Variants in KHDRBS2 observed in about 807,000 individuals in gnomAD.
KHDRBS2 encodes the protein KH domain-containing, RNA-binding, signal transduction-associated protein 2.
A neutral mutation model predicts 44.3 loss-of-function variants in KHDRBS2; 26 were observed. That is an observed-to-expected ratio of 0.59 (90% CI 0.43 to 0.81). KHDRBS2 has a LOEUF of 0.81. Among genes scored for constraint, KHDRBS2 ranks in the 40% least tolerant of loss-of-function variants. KHDRBS2 has a pLI of 0.00. For synonymous variants in KHDRBS2, 194 were observed against 151.1 expected (o/e 1.28, Z -2.08); for missense variants, 476 against 433.1 (o/e 1.10, Z -0.88).
chr6:61,804,693 C>A (rs891020109), intron 6 of KHDRBS2, among the ~76,000 whole-genome samples: 4 of 152,222 alleles, frequency 2.6e-5, no homozygotes, highest in African/African-American at 9.6e-5. Flanking sequence ...CACATGTAAG[C>A]TTCCAAAGCT....
the KHDRBS2 span, among the ~76,000 whole-genome samples, chr6:61,549,266 G>T: frequency 1.3e-5 from 2 of 152,124 alleles, no homozygotes; most frequent in Non-Finnish European, 2.9e-5. Flanking sequence ...GTGGTATAAT[G>T]TTAAACAATG....
chr6:61,698,851 A>T (rs1177759413), intron 7 of KHDRBS2, among the ~76,000 whole-genome samples: 1 of 151,946 alleles, frequency 6.6e-6, no homozygotes, highest in African/African-American at 2.4e-5. Context: ...CTAAATGTCC[A>T]ATTGTCCCTT....
intron 2 of KHDRBS2, among the ~76,000 whole-genome samples, chr6:62,164,483 T>C (rs2150114285): frequency 6.6e-6 from 1 of 151,922 alleles, no homozygotes; most frequent in South Asian, 2.1e-4. Flanking sequence ...AAAGTAACAT[T>C]AATAATAACT....
At chr6:62,072,533 G>C (rs1584517024) in intron 2 of KHDRBS2, among the ~76,000 whole-genome samples, 1 of 152,200 alleles carries the variant, frequency 6.6e-6, no homozygotes, top group East Asian at 1.9e-4. Flanking sequence ...CTAATTTATT[G>C]AGAGTTTTTA....
chr6:62,117,063 G>A (rs1235349586), intron 2 of KHDRBS2, among the ~76,000 whole-genome samples: 4 of 151,966 alleles, frequency 2.6e-5, no homozygotes, highest in African/African-American at 9.7e-5. Flanking sequence ...AATAAATATG[G>A]GAGTGCAGAT....
At chr6:61,955,873 C>T (rs1271815609) in intron 4 of KHDRBS2, among the ~76,000 whole-genome samples, 1 of 151,984 alleles carries the variant, frequency 6.6e-6, no homozygotes, top group Non-Finnish European at 1.5e-5. Context: ...TCTTCTTATT[C>T]AATTTTAGAT....
At chr6:61,875,991 A>G (rs1799359826) in intron 6 of KHDRBS2, among the ~76,000 whole-genome samples, 1 of 152,056 alleles carries the variant, frequency 6.6e-6, no homozygotes, top group South Asian at 2.1e-4. Flanking sequence ...CTCATATTTA[A>G]AACAATGTCA....
intron 4 of KHDRBS2, among the ~76,000 whole-genome samples, chr6:61,954,371 GTATGTATGCATGCA>G (rs1562509363): frequency 2.0e-5 from 1 of 49,480 alleles, no homozygotes; most frequent in Non-Finnish European, 5.9e-5. Context: ...ACATATATAC[GTATGTATGCATGCA>G]TACATATATA....
At chr6:61,586,857 C>T in the KHDRBS2 span, among the ~76,000 whole-genome samples, 1 of 152,280 alleles carries the variant, frequency 6.6e-6, no homozygotes, top group East Asian at 1.9e-4. Flanking sequence ...CCTTGAACTT[C>T]TCTGTTCTTC....
rs376542288 is a variant in KHDRBS2 at position 61,745,900 on chromosome 6, A to G, written c.811-13136T>C. 2.0e-5 allele frequency among the ~76,000 whole-genome samples: 3 copies of G among 152,176 alleles called. No homozygotes were observed. The East Asian group carries it at 5.8e-4, about 29-fold the overall frequency. On this transcript the variant is annotated intron_variant, in intron 6 of 8. Coordinates refer to ENST00000281156, the MANE Select transcript of KHDRBS2 (RefSeq NM_152688.4). ...TTAAGTGGGGTTAAAAATACTTGAT[A>G]ATTGTGTTCTCCTTAACTATATTGT...
At chr6:61,616,470 C>CATATATATATAT in the KHDRBS2 span, among the ~76,000 whole-genome samples, 2 of 145,070 alleles carry the variant, frequency 1.4e-5, no homozygotes, top group African/African-American at 5.1e-5. Context: ...AAAGAATATA[C>CATATATATATAT]ATATATATAT....
intron 4 of KHDRBS2, among the ~76,000 whole-genome samples, chr6:61,954,420 T>TACGTATGTATGCATGCATACATATAA (rs1562509751): frequency 4.5e-4 from 34 of 74,726 alleles, no homozygotes; most frequent in African/African-American, 1.0e-3. Flanking sequence ...CATACATATA[T>TACGTATGTATGCATGCATACATATAA]ACGTATGTAT....
chr6:62,126,162 C>A (rs1398029075), intron 2 of KHDRBS2, among the ~76,000 whole-genome samples: 1 of 152,138 alleles, frequency 6.6e-6, no homozygotes, highest in Non-Finnish European at 1.5e-5. Context: ...CACAAGCTGA[C>A]TGAAGAGGCC....
At chr6:61,716,674 A>G (rs1395721485) in intron 7 of KHDRBS2, among the ~76,000 whole-genome samples, 1 of 152,032 alleles carries the variant, frequency 6.6e-6, no homozygotes. Context: ...TCCTTATTGC[A>G]TACTTTGACA....
At chr6:61,891,361 C>T (rs536667016) in intron 6 of KHDRBS2, among the ~76,000 whole-genome samples, 3 of 152,224 alleles carry the variant, frequency 2.0e-5, no homozygotes, top group East Asian at 1.9e-4. Flanking sequence ...ATTTTTGCAT[C>T]GATGTTCATC....
intron 2 of KHDRBS2, among the ~76,000 whole-genome samples, chr6:62,170,264 G>A (rs1264386873): frequency 6.6e-6 from 1 of 152,000 alleles, no homozygotes; most frequent in African/African-American, 2.4e-5. Flanking sequence ...TTCACAGGCT[G>A]GTGGAGGATC....
chr6:61,543,323 A>C, the KHDRBS2 span, among the ~76,000 whole-genome samples: 1 of 152,078 alleles, frequency 6.6e-6, no homozygotes, highest in Admixed American at 6.6e-5. Context: ...CATTTATCAG[A>C]AGAAGGCATA....
chr6:61,695,312 G>C (rs1413024433), intron 8 of KHDRBS2, among the ~76,000 whole-genome samples: 2 of 152,010 alleles, frequency 1.3e-5, no homozygotes, highest in African/African-American at 4.8e-5. Context: ...GTTGAACTGA[G>C]GCAAGGTACT....
At chr6:61,940,814 T>C (rs1811988427) in intron 4 of KHDRBS2, among the ~76,000 whole-genome samples, 2 of 152,136 alleles carry the variant, frequency 1.3e-5, no homozygotes, top group African/African-American at 2.4e-5. Flanking sequence ...AAGCATGGAC[T>C]ATTGCTGTTG....
Sources: allele counts gnomAD v4.1 joint callset (sites outside exome capture counted in the v4.1 genomes callset), GRCh38; gene constraint gnomAD v4.1.1; transcripts MANE v1.5; gene names NCBI Gene and HGNC (gene_info 2026-07-23, HGNC 2026-07-21).